MARF1: variants seen among roughly 807,000 people sequenced by gnomAD.
The protein encoded by MARF1 is meiosis regulator and mRNA stability factor 1, also known as limkain-b1.
MARF1 carries 24 observed loss-of-function variants against 168.2 expected under a neutral mutation model. That is an observed-to-expected ratio of 0.14 (90% CI 0.10 to 0.20). The LOEUF is 0.20. Ranked by LOEUF, MARF1 falls within the 10% of genes least tolerant of loss-of-function variation. MARF1 has a pLI of 1.00. For missense variants in MARF1, 1,744 were observed against 2,143.6 expected, an observed-to-expected ratio of 0.81 and a Z score of 3.68; for synonymous variants, 868 against 822.4, an observed-to-expected ratio of 1.06 and a Z score of -0.95.
At chr16:15,602,702 G>A (rs774502882) in intron 22 of MARF1, 15 of 450,648 alleles carry the variant, frequency 3.3e-5, no homozygotes, top group South Asian at 2.4e-4. Context: ...ATAGCCTCCA[G>A]CAAACTTCAG....
Position 15,624,789 on chromosome 16 carries a change from T to C in MARF1, c.2250A>G (p.Ala750=). ...VASRQVSPLL[A]SQSWSSRSMS... ...CTCACCTAGAAGACCAAGACTGAGATGCGAGCAGAGGACTGACTTGCCTGG... is the reference window on the plus strand; with the variant it reads ...CTCACCTAGAAGACCAAGACTGAGACGCGAGCAGAGGACTGACTTGCCTGG... Residue 750 remains alanine (A), a synonymous_variant, in exon 10 of 27, where the codon GCA becomes GCG. Transcript: ENST00000396368. 6.2e-7 allele frequency: 1 copy of C among 1,614,164 alleles called. No individual in the cohort carries two copies. The highest frequency in any genetic ancestry group is 8.5e-7 in the Non-Finnish European group (1 of 1,180,014).
chr16:15,596,980 TAAG>T lies in MARF1; in HGVS notation c.4985-46_4985-44del. The T allele has an allele frequency of 1.9e-6, 3 of 1,547,526 alleles. No individual in the cohort carries two copies. In the East Asian group the frequency reaches 6.8e-5, roughly 35 times the overall value. On this transcript the variant is annotated intron_variant, in intron 26 of 26. Coordinates refer to ENST00000396368, the MANE Select transcript of MARF1 (RefSeq NM_014647.4). Reference sequence around the variant, plus strand: ...CAAACAGATTCAGATCCAGGAACTGTAAGAAGTGTGGGTTTTCTCTTCCTTGCT... The same window carrying T: ...CAAACAGATTCAGATCCAGGAACTGTAAGTGTGGGTTTTCTCTTCCTTGCT...
chr16:15,613,767 G>A (rs972531954), intron 16 of MARF1, among the ~76,000 whole-genome samples: 6 of 152,102 alleles, frequency 3.9e-5, no homozygotes, highest in African/African-American at 9.7e-5. Flanking sequence ...CATAATCTAT[G>A]GCCCCTGAGA....
At chr16:15,613,535 A>T (rs965929859) in intron 16 of MARF1, among the ~76,000 whole-genome samples, 1 of 151,566 alleles carries the variant, frequency 6.6e-6, no homozygotes, top group Non-Finnish European at 1.5e-5. Context: ...GGTGGCAGGC[A>T]CCTGTAGTCC....
intron 4 of MARF1, 97 bp from the exon 5 acceptor site, chr16:15,633,940 A>C (rs895970817): frequency 2.9e-6 from 3 of 1,035,148 alleles, no homozygotes; most frequent in Non-Finnish European, 2.8e-6. Context: ...GTGGTAGAAA[A>C]ACTAAATTAT....
At chr16:15,620,323 T>C in intron 13 of MARF1, 128 bp downstream of exon 13, 1 of 501,654 alleles carries the variant, frequency 2.0e-6, no homozygotes, top group Non-Finnish European at 3.6e-6. Flanking sequence ...CATGTAAATC[T>C]GAATGCCAGT....
intron 21 of MARF1, among the ~76,000 whole-genome samples, chr16:15,607,346 C>G (rs1024578821): frequency 6.6e-6 from 1 of 152,084 alleles, no homozygotes; most frequent in Non-Finnish European, 1.5e-5. Context: ...GCCAGGAGTT[C>G]GAGATCAGCC....
chr16:15,599,160 A>C (rs1447966330), intron 25 of MARF1, 136 bp from the exon 26 acceptor site: 1 of 784,060 alleles, frequency 1.3e-6, no homozygotes, highest in African/African-American at 2.0e-5. Context: ...GTATTAAAAA[A>C]AAAAAAAAAA....
chr16:15,633,582 C>T, intron 5 of MARF1, 35 bp downstream of exon 5: 1 of 1,402,618 alleles, frequency 7.1e-7, no homozygotes, highest in African/African-American at 1.6e-5. Context: ...TATTCCTCTA[C>T]TGTAGATTAA....
intron 11 of MARF1, 51 bp downstream of exon 11, chr16:15,622,883 G>C (rs2034564576): frequency 1.4e-6 from 2 of 1,442,724 alleles, no homozygotes; most frequent in Non-Finnish European, 1.9e-6. Context: ...CTCTTGACTA[G>C]AGACTCCATC....
At chr16:15,602,398 A>C (rs771686525) in intron 22 of MARF1, 195 bp from the exon 23 acceptor site, 5 of 617,258 alleles carry the variant, frequency 8.1e-6, no homozygotes, top group Non-Finnish European at 1.4e-5. Flanking sequence ...GACAAAGATA[A>C]AGAAGACAAC....
intron 21 of MARF1, among the ~76,000 whole-genome samples, chr16:15,607,671 T>C (rs953118505): frequency 2.6e-5 from 4 of 152,240 alleles, no homozygotes; most frequent in Admixed American, 2.0e-4. Flanking sequence ...CCGTCCTTCA[T>C]GCTTCCCTTT....
chr16:15,604,097 C>T, intron 22 of MARF1, 71 bp downstream of exon 22: 2 of 1,180,810 alleles, frequency 1.7e-6, no homozygotes, highest in Non-Finnish European at 2.5e-6. Context: ...TAATCTAGAC[C>T]ATCAGGTAAT....
chr16:15,623,910 C>CTTTTTTT (rs1168260036), intron 10 of MARF1, among the ~76,000 whole-genome samples: 1 of 132,830 alleles, frequency 7.5e-6, no homozygotes, highest in Non-Finnish European at 1.6e-5. Context: ...GTCACTTTCT[C>CTTTTTTT]TTTTTTTTTT....
chr16:15,604,480 G>C, intron 21 of MARF1, 82 bp from the exon 22 acceptor site: 1 of 884,774 alleles, frequency 1.1e-6, no homozygotes, highest in African/African-American at 1.7e-5. Flanking sequence ...CTTCATTTTG[G>C]TTAATGAGAC....
At position 15,621,794 on chromosome 16, in the gene MARF1, T is replaced by C; in HGVS notation, c.2578A>G (p.Ser860Gly). The C allele has an allele frequency of 6.2e-7, 1 of 1,614,230 alleles. No individual in the cohort carries two copies. The highest frequency in any genetic ancestry group is 8.5e-7 in the Non-Finnish European group (1 of 1,180,034). The part of the protein sequence containing the change: ...VNSLHRYKIG[S>G]KKILVSLATG... ...GCAAGTGAGACCAGGATCTTTTTGC[T>C]GCCAATTTTGTATCTGTGGAGGCTA... The change falls in exon 12 of 27, where the codon AGC (serine) becomes GGC (glycine). Residue 860 changes from serine (S) to glycine (G), a missense_variant. Around this residue, in one of 7 missense-constraint regions of MARF1, gnomAD observed 543 missense variants for 742.1 expected, o/e 0.73. Coordinates refer to ENST00000396368, the MANE Select transcript of MARF1 (RefSeq NM_014647.4).
In MARF1 at chr16:15,602,188, T is replaced by C. The variant is rs772463158; in HGVS notation, c.4429A>G (p.Lys1477Glu). The change falls in exon 23 of 27, where the codon AAG becomes GAG. Residue 1477 changes from lysine (K) to glutamate (E), a missense_variant. Lys to Glu is a moderately conservative substitution (Grantham distance 56, BLOSUM62 1). Around this residue, in one of 7 missense-constraint regions of MARF1, gnomAD observed 313 missense variants for 337.4 expected, o/e 0.93. Transcript: ENST00000396368. ...GTGAGCTTCACACATTCTTCCATCT[T>C]ATCATTAGTGAAAACCTGGTTAAAA... is the stretch of plus-strand genomic sequence containing the variant. ...PYLVEVFTND[K>E]MEECVKLTSL... The C allele has an allele frequency of 1.2e-6, 2 of 1,614,068 alleles. No homozygotes were observed. Among genetic ancestry groups the C allele is most frequent in the Admixed American group, 3.3e-5 (2 of 60,030 alleles).
At chr16:15,637,639 A>AT (rs2035682692) in intron 2 of MARF1, among the ~76,000 whole-genome samples, 1 of 152,330 alleles carries the variant, frequency 6.6e-6, no homozygotes, top group Admixed American at 6.5e-5. Flanking sequence ...CACTGACAAA[A>AT]TTGAGTTTCA....
chr16:15,613,853 C>T (rs2033806299), intron 16 of MARF1, among the ~76,000 whole-genome samples: 1 of 152,056 alleles, frequency 6.6e-6, no homozygotes, highest in Admixed American at 6.5e-5. Context: ...AGCAGGCTGA[C>T]TCAGAAAGAA....
Sources: gnomAD v4.1 joint callset for allele counts (sites outside exome capture counted in the v4.1 genomes callset) on GRCh38, gnomAD v4.1.1 for gene constraint, gnomAD v4.1.1 regional missense constraint, MANE v1.5 for transcripts, NCBI Gene and HGNC (gene_info 2026-07-23, HGNC 2026-07-21) for gene names.